Variants in PLCB1 observed in about 807,000 individuals in gnomAD.
PLCB1 encodes 1-phosphatidylinositol 4,5-bisphosphate phosphodiesterase beta-1.
Under a neutral mutation model 161.8 loss-of-function variants are expected in PLCB1, and 46 were observed. The ratio of observed to expected loss-of-function variants is 0.28; its 90% CI spans 0.22 to 0.36. The LOEUF (loss-of-function observed/expected upper bound fraction) is 0.36, where lower values mean the gene tolerates loss of function less well. PLCB1 is among the 10% of genes least tolerant of loss of function. The pLI, the probability that PLCB1 is intolerant of heterozygous loss-of-function variation, is 1.00. For missense variants in PLCB1, 1,016 were observed against 1,472.5 expected, an observed-to-expected ratio of 0.69 and a Z score of 5.07; for synonymous variants, 517 against 503.7, an observed-to-expected ratio of 1.03 and a Z score of -0.35.
At chr20:8,438,549 C>G (rs1980409266) in intron 3 of PLCB1, among the ~76,000 whole-genome samples, 1 of 152,176 alleles carries the variant, frequency 6.6e-6, no homozygotes, top group East Asian at 1.9e-4. Flanking sequence ...CTCTAACATA[C>G]TCTTACATGG....
intron 27 of PLCB1, among the ~76,000 whole-genome samples, chr20:8,783,336 A>G (rs1983330531): frequency 6.6e-6 from 1 of 152,226 alleles, no homozygotes; most frequent in Admixed American, 6.5e-5. Context: ...TAAATGATCG[A>G]ATGGCTCTTT....
intron 3 of PLCB1, among the ~76,000 whole-genome samples, chr20:8,402,945 A>G (rs1978629457): frequency 2.0e-5 from 3 of 152,150 alleles, no homozygotes; most frequent in Non-Finnish European, 4.4e-5. Flanking sequence ...TTATTTCTAA[A>G]TTTTATATCT....
At chr20:8,743,506 G>A (rs1338361612) in intron 23 of PLCB1, among the ~76,000 whole-genome samples, 3 of 152,070 alleles carry the variant, frequency 2.0e-5, no homozygotes, top group East Asian at 1.9e-4. Flanking sequence ...TCTGAGACTG[G>A]AGTTTGCCTG....
At chr20:8,686,966 T>A (rs1362655506) in intron 10 of PLCB1, among the ~76,000 whole-genome samples, 1 of 152,134 alleles carries the variant, frequency 6.6e-6, no homozygotes, top group Non-Finnish European at 1.5e-5. Context: ...TTTTTTTTTG[T>A]CTTTTTAAGG....
intron 2 of PLCB1, among the ~76,000 whole-genome samples, chr20:8,261,228 G>T (rs891419531): frequency 6.6e-6 from 1 of 151,936 alleles, no homozygotes; most frequent in African/African-American, 2.4e-5. Context: ...CCTGATATAG[G>T]GAACTCTGAG....
At chr20:8,866,309 C>T (rs894561561) in intron 31 of PLCB1, among the ~76,000 whole-genome samples, 3 of 152,166 alleles carry the variant, frequency 2.0e-5, no homozygotes, top group African/African-American at 7.2e-5. Context: ...GTGATAGTTG[C>T]CTTGTTAAAG....
intron 3 of PLCB1, among the ~76,000 whole-genome samples, chr20:8,536,732 A>G (rs1295414684): frequency 6.6e-6 from 1 of 152,180 alleles, no homozygotes; most frequent in Non-Finnish European, 1.5e-5. Flanking sequence ...CTTAACAACT[A>G]GATCGAGAAC....
intron 3 of PLCB1, among the ~76,000 whole-genome samples, chr20:8,475,686 C>T (rs1982247672): frequency 2.0e-5 from 3 of 152,114 alleles, no homozygotes; most frequent in Non-Finnish European, 4.4e-5. Flanking sequence ...TTCACATGGA[C>T]TATTTGGTAG....
intron 3 of PLCB1, among the ~76,000 whole-genome samples, chr20:8,401,585 A>C (rs541792947): frequency 5.6e-4 from 86 of 152,364 alleles, no homozygotes; most frequent in African/African-American, 1.9e-3. Flanking sequence ...GGAATAACAC[A>C]TCAAAAATAC....
At chr20:8,258,377 G>A (rs954598209) in intron 2 of PLCB1, among the ~76,000 whole-genome samples, 1 of 152,156 alleles carries the variant, frequency 6.6e-6, no homozygotes, top group Non-Finnish European at 1.5e-5. Flanking sequence ...AGAACAGGCT[G>A]TATCAGTGCT....
intron 2 of PLCB1, among the ~76,000 whole-genome samples, chr20:8,348,536 C>G (rs902208062): frequency 3.3e-5 from 5 of 152,154 alleles, no homozygotes; most frequent in African/African-American, 1.2e-4. Context: ...GAGCAGCCCT[C>G]TCTATCATGA....
intron 9 of PLCB1, among the ~76,000 whole-genome samples, chr20:8,659,884 CAA>C (rs1043923271): frequency 4.2e-4 from 62 of 148,398 alleles, no homozygotes; most frequent in African/African-American, 1.4e-3. Context: ...CCCGGCTACT[CAA>C]AAGACTGAGG....
chr20:8,561,877 TA>T (rs141045015), intron 3 of PLCB1, among the ~76,000 whole-genome samples: 1,640 of 152,178 alleles, frequency 0.011, 23 homozygotes, highest in African/African-American at 0.035. Context: ...ACAATCTACA[TA>T]TAAGAACTAA....
At chr20:8,445,736 C>G (rs227140) in intron 3 of PLCB1, among the ~76,000 whole-genome samples, 76,305 of 150,702 alleles carry the variant, frequency 0.51, 19,563 homozygotes, top group East Asian at 0.68. Flanking sequence ...GCAGTGGTTT[C>G]TAGTTCTCCT....
chr20:8,677,984 A>T (rs116183843), intron 9 of PLCB1, among the ~76,000 whole-genome samples: 2,866 of 152,292 alleles, frequency 0.019, 74 homozygotes, highest in African/African-American at 0.056. Context: ...AAATTAATCA[A>T]TCTAGATTGG....
chr20:8,453,331 A>G (rs1191065593), intron 3 of PLCB1, among the ~76,000 whole-genome samples: 2 of 152,220 alleles, frequency 1.3e-5, no homozygotes, highest in Admixed American at 6.5e-5. Context: ...CAGATGGACC[A>G]TGTATTCACT....
At chr20:8,579,145 TA>T (rs1986760603) in intron 3 of PLCB1, among the ~76,000 whole-genome samples, 1 of 152,256 alleles carries the variant, frequency 6.6e-6, no homozygotes, top group Non-Finnish European at 1.5e-5. Context: ...TGTAACTTTA[TA>T]ATTGCCTTCT....
rs114840365 is a variant in PLCB1 at position 8,498,658 on chromosome 20, A to G, written c.246+127208A>G. Among the ~76,000 whole-genome samples, 1,327 of 152,342 alleles carry G rather than the reference A, an allele frequency of 8.7e-3. 21 individuals carry two copies. The highest frequency in any genetic ancestry group is 0.03 in the African/African-American group (1,236 of 41,578). On this transcript the variant is annotated intron_variant, in intron 3 of 31. Coordinates refer to ENST00000338037, the MANE Select transcript of PLCB1 (RefSeq NM_015192.4). ...TGCCATAATAGTGACTAACCCAAGG[A>G]CAGTGAGTTAGCTTTTGTTGCATAA...
intron 31 of PLCB1, among the ~76,000 whole-genome samples, chr20:8,819,365 C>A (rs6086606): frequency 2.4e-3 from 358 of 152,160 alleles, no homozygotes; most frequent in African/African-American, 8.2e-3. Flanking sequence ...AAAATCCTAT[C>A]TATGTGGTTT....
Sources: gnomAD v4.1 joint callset for allele counts (sites outside exome capture counted in the v4.1 genomes callset) on GRCh38, gnomAD v4.1.1 for gene constraint, MANE v1.5 for transcripts, NCBI Gene and HGNC (gene_info 2026-07-23, HGNC 2026-07-21) for gene names.